PAM: variants seen among roughly 807,000 people sequenced by gnomAD.
PAM encodes the protein peptidylglycine alpha-amidating monooxygenase, also known as peptidyl-glycine alpha-amidating monooxygenase.
In PAM, 72 loss-of-function variants were observed where a neutral mutation model predicts 122.1. That is an observed-to-expected ratio of 0.59 (90% CI 0.49 to 0.72). The LOEUF (loss-of-function observed/expected upper bound fraction) is 0.72, where lower values mean the gene tolerates loss of function less well. Ranked by LOEUF, PAM falls within the 30% of genes least tolerant of loss-of-function variation. The pLI is 0.00. For missense variants in PAM, 1,106 were observed against 1,183.7 expected (o/e 0.93, Z 0.96); for synonymous variants, 389 against 404.4 (o/e 0.96, Z 0.46).
At chr5:102,978,921 A>C (rs1412127868) in intron 15 of PAM, among the ~76,000 whole-genome samples, 1 of 151,932 alleles carries the variant, frequency 6.6e-6, no homozygotes, top group Non-Finnish European at 1.5e-5. Context: ...GAAGAAAGTG[A>C]TGAAAGGTTA....
intron 1 of PAM, among the ~76,000 whole-genome samples, chr5:102,852,236 C>A (rs1781511579): frequency 6.6e-6 from 1 of 152,036 alleles, no homozygotes. Context: ...TGATATACCT[C>A]TGGACTGATT....
intron 21 of PAM, among the ~76,000 whole-genome samples, chr5:103,017,084 G>C (rs1482488150): frequency 1.3e-5 from 2 of 152,234 alleles, no homozygotes; most frequent in African/African-American, 4.8e-5. Context: ...TAAAAGAATT[G>C]AAAGTCAGTA....
intron 1 of PAM, among the ~76,000 whole-genome samples, chr5:102,789,177 C>T (rs758814986): frequency 3.3e-5 from 5 of 152,000 alleles, no homozygotes; most frequent in Non-Finnish European, 5.9e-5. Flanking sequence ...GTTAAAAATT[C>T]AGTATAGAGA....
chr5:102,952,124 A>T (rs948061891), intron 12 of PAM, among the ~76,000 whole-genome samples: 1 of 152,114 alleles, frequency 6.6e-6, no homozygotes, highest in Non-Finnish European at 1.5e-5. Flanking sequence ...CAGTAAAAAA[A>T]TCCCTTTCAA....
At chr5:102,915,114 G>T (rs1051552059) in intron 5 of PAM, among the ~76,000 whole-genome samples, 1 of 151,906 alleles carries the variant, frequency 6.6e-6, no homozygotes, top group Admixed American at 6.6e-5. Context: ...TTATTTTCAC[G>T]TAGACCCAGA....
intron 1 of PAM, among the ~76,000 whole-genome samples, chr5:102,781,607 A>G (rs1448496245): frequency 2.0e-5 from 3 of 152,170 alleles, no homozygotes; most frequent in African/African-American, 7.2e-5. Flanking sequence ...CAGCCAGGCT[A>G]TATTTATAAA....
At chr5:102,994,146 G>GTA (rs1362304840) in intron 16 of PAM, among the ~76,000 whole-genome samples, 1 of 152,012 alleles carries the variant, frequency 6.6e-6, no homozygotes, top group African/African-American at 2.4e-5. Context: ...CCCACCTAAT[G>GTA]TATACATCTC....
At chr5:102,918,402 C>T (rs1034100782) in intron 5 of PAM, among the ~76,000 whole-genome samples, 13 of 152,032 alleles carry the variant, frequency 8.6e-5, no homozygotes, top group African/African-American at 2.4e-4. Flanking sequence ...CTAAACTAAG[C>T]TCTAAGTGAG....
rs539064679 is a variant in PAM at position 102,956,753 on chromosome 5, T to C, written c.906-3122T>C. On this transcript the variant is annotated intron_variant, in intron 12 of 25. Transcript: ENST00000438793. ...TTTTGGTGATAATAATGAATTTAAT[T>C]TAGTAAGAGTAAATTATTGTCCTGA... Among the ~76,000 whole-genome samples, 47 of 152,216 alleles carry C rather than the reference T, an allele frequency of 3.1e-4. No homozygotes were observed. In the South Asian group the frequency reaches 5.0e-3, roughly 16 times the overall value.
At chr5:102,897,016 T>C (rs1308155559) in intron 3 of PAM, among the ~76,000 whole-genome samples, 1 of 151,636 alleles carries the variant, frequency 6.6e-6, no homozygotes, top group Non-Finnish European at 1.5e-5. Context: ...TTGATTCTTT[T>C]ACATAGTTGG....
intron 1 of PAM, among the ~76,000 whole-genome samples, chr5:102,821,672 A>AG (rs1209369876): frequency 3.9e-5 from 6 of 152,298 alleles, no homozygotes; most frequent in South Asian, 2.1e-4. Flanking sequence ...ACCTATGAAG[A>AG]AAGTACTGTT....
chr5:103,017,285 A>G (rs769128944), intron 21 of PAM, 49 bp from the exon 22 acceptor site: 3 of 1,119,116 alleles, frequency 2.7e-6, no homozygotes, highest in Non-Finnish European at 4.1e-6. Flanking sequence ...TTCATGAAGG[A>G]TTCAAGTAAA....
At chr5:102,766,871 C>T (rs529780119) in intron 1 of PAM, among the ~76,000 whole-genome samples, 14 of 101,108 alleles carry the variant, frequency 1.4e-4, no homozygotes, top group Non-Finnish European at 2.4e-4. Flanking sequence ...TATATTTATT[C>T]GTATAATTTT....
At chr5:102,778,000 G>C (rs1271790028) in intron 1 of PAM, among the ~76,000 whole-genome samples, 1 of 152,114 alleles carries the variant, frequency 6.6e-6, no homozygotes, top group Non-Finnish European at 1.5e-5. Context: ...TCTGCAGGCG[G>C]AATTGTGGAA....
At chr5:102,874,680 G>A (rs1438980234) in intron 3 of PAM, among the ~76,000 whole-genome samples, 1 of 151,928 alleles carries the variant, frequency 6.6e-6, no homozygotes, top group Non-Finnish European at 1.5e-5. Flanking sequence ...TAGCTACAGT[G>A]TAAAAGACTC....
chr5:102,926,727 A>G (rs1749704652), intron 7 of PAM, 59 bp downstream of exon 7: 1 of 845,046 alleles, frequency 1.2e-6, no homozygotes, highest in Admixed American at 1.9e-5. Flanking sequence ...TTTAAAATAC[A>G]TGCACAAACT....
At chr5:102,943,143 G>A (rs1023946765) in intron 7 of PAM, among the ~76,000 whole-genome samples, 11 of 152,072 alleles carry the variant, frequency 7.2e-5, no homozygotes, top group Non-Finnish European at 1.6e-4. Flanking sequence ...CAGGATCAGC[G>A]GTTAATCTGT....
chr5:102,848,246 C>T (rs533234499), intron 1 of PAM, among the ~76,000 whole-genome samples: 1 of 151,812 alleles, frequency 6.6e-6, no homozygotes, highest in South Asian at 2.1e-4. Context: ...ATGTTGATAC[C>T]GGTTTTGCTT....
chr5:102,827,272 A>G (rs1773934916), intron 1 of PAM, among the ~76,000 whole-genome samples: 1 of 152,186 alleles, frequency 6.6e-6, no homozygotes. Flanking sequence ...TCAGATTTTC[A>G]GATTAGTGAT....
Sources: gnomAD v4.1 joint callset for allele counts (sites outside exome capture counted in the v4.1 genomes callset) on GRCh38, gnomAD v4.1.1 for gene constraint, MANE v1.5 for transcripts, NCBI Gene and HGNC (gene_info 2026-07-23, HGNC 2026-07-21) for gene names.